The following IL1RAP variants were observed in gnomAD, a reference collection of about 807,000 sequenced individuals.
IL1RAP encodes the protein interleukin 1 receptor accessory protein.
In IL1RAP, 35 loss-of-function variants were observed where a neutral mutation model predicts 60.7. The ratio of observed to expected loss-of-function variants is 0.58; its 90% CI spans 0.44 to 0.76. IL1RAP has a LOEUF of 0.76. Ranked by LOEUF, IL1RAP falls within the 30% of genes least tolerant of loss-of-function variation. The probability of loss-of-function intolerance (pLI) is 0.00; values close to 1 mark genes in which losing one functional copy is unlikely to be tolerated. For synonymous variants in IL1RAP, 268 were observed against 250.9 expected (o/e 1.07, Z -0.64); for missense variants, 572 against 693.9 (o/e 0.82, Z 1.97).
At chr3:190,531,532 A>C (rs1225108314) in intron 1 of IL1RAP, among the ~76,000 whole-genome samples, 1 of 152,174 alleles carries the variant, frequency 6.6e-6, no homozygotes, top group Non-Finnish European at 1.5e-5. Flanking sequence ...GGCATTCCAT[A>C]AGTCTTCCCT....
chr3:190,644,880 A>G (rs759130363), intron 10 of IL1RAP, among the ~76,000 whole-genome samples: 2 of 152,226 alleles, frequency 1.3e-5, no homozygotes, highest in African/African-American at 4.8e-5. Context: ...TCGAGTGAGC[A>G]ATAGACTCGT....
At chr3:190,536,458 G>A (rs1723469532) in intron 1 of IL1RAP, among the ~76,000 whole-genome samples, 1 of 151,922 alleles carries the variant, frequency 6.6e-6, no homozygotes, top group African/African-American at 2.4e-5. Flanking sequence ...TCTCTTCTTT[G>A]GATGTTTTCA....
At chr3:190,619,558 G>C (rs1731579230) in intron 5 of IL1RAP, among the ~76,000 whole-genome samples, 1 of 151,800 alleles carries the variant, frequency 6.6e-6, no homozygotes, top group Non-Finnish European at 1.5e-5. Context: ...AACCCCATCT[G>C]TACCAAAATT....
downstream of IL1RAP, among the ~76,000 whole-genome samples, chr3:190,652,756 A>T (rs186221118): frequency 2.6e-5 from 4 of 152,238 alleles, no homozygotes; most frequent in Non-Finnish European, 4.4e-5. Context: ...GAGATTTTGT[A>T]TATGAGTTTT....
At chr3:190,540,799 C>A (rs1223511725) in intron 1 of IL1RAP, among the ~76,000 whole-genome samples, 1 of 152,044 alleles carries the variant, frequency 6.6e-6, no homozygotes. Flanking sequence ...AGCATTAAAT[C>A]AGAATGTGAT....
At chr3:190,595,579 G>A (rs1342212589) in intron 3 of IL1RAP, among the ~76,000 whole-genome samples, 6 of 152,024 alleles carry the variant, frequency 3.9e-5, no homozygotes, top group South Asian at 2.1e-4. Flanking sequence ...CAAAATTAAC[G>A]TCAAACCAGC....
chr3:190,527,749 C>G (rs1259014717), intron 1 of IL1RAP, among the ~76,000 whole-genome samples: 3 of 132,468 alleles, frequency 2.3e-5, no homozygotes, highest in African/African-American at 6.1e-5. Flanking sequence ...AACTTTTATC[C>G]TTCTACATTT....
At chr3:190,530,003 C>T (rs1256205612) in intron 1 of IL1RAP, among the ~76,000 whole-genome samples, 3 of 152,112 alleles carry the variant, frequency 2.0e-5, no homozygotes, top group Non-Finnish European at 4.4e-5. Flanking sequence ...ATAAAGTTCT[C>T]TATGGGCAGC....
chr3:190,563,443 G>C (rs1726088054), intron 2 of IL1RAP: 1 of 152,098 alleles, frequency 6.6e-6, no homozygotes, highest in Non-Finnish European at 1.5e-5. Context: ...TTTACCAGTG[G>C]CCAGATATTT....
intron 3 of IL1RAP, among the ~76,000 whole-genome samples, chr3:190,574,985 G>T (rs1727309332): frequency 7.1e-6 from 1 of 140,668 alleles, no homozygotes; most frequent in South Asian, 2.3e-4. Flanking sequence ...TCAGTCCTAG[G>T]GAAATGAGTT....
chr3:190,530,023 GA>G (rs944352578), intron 1 of IL1RAP, among the ~76,000 whole-genome samples: 2 of 152,058 alleles, frequency 1.3e-5, no homozygotes, highest in African/African-American at 4.8e-5. Context: ...CCCTAACTTG[GA>G]ACCATAAAGA....
chr3:190,518,789 A>C (rs545668372), intron 1 of IL1RAP: 17 of 152,244 alleles, frequency 1.1e-4, no homozygotes, highest in Non-Finnish European at 2.2e-4. Flanking sequence ...TATCACGAGA[A>C]TAGCATGGGA....
At position 190,629,458 on chromosome 3, in the gene IL1RAP, C is replaced by G; in HGVS notation, c.1011C>G (p.Ala337=). ...KRSYVCHARS[A]KGEVAKAAKV... is the part of the protein sequence containing the mutation. ...GCTATGTCTGTCATGCTAGAAGTGCCAAAGGCGAAGTTGCCAAAGCAGCCA... is the reference window on the plus strand; with the variant it reads ...GCTATGTCTGTCATGCTAGAAGTGCGAAAGGCGAAGTTGCCAAAGCAGCCA... Residue 337 remains alanine (A), a synonymous_variant, in exon 9 of 12, where the codon GCC becomes GCG. Transcript: ENST00000447382. The G allele has an allele frequency of 6.2e-7, 1 of 1,613,396 alleles. No homozygotes were observed. Among genetic ancestry groups the G allele is most frequent in the Non-Finnish European group, 8.5e-7 (1 of 1,179,692 alleles).
chr3:190,538,090 C>T (rs57950345), intron 1 of IL1RAP, among the ~76,000 whole-genome samples: 6,349 of 152,156 alleles, frequency 0.042, 354 homozygotes, highest in African/African-American at 0.12. Flanking sequence ...GTTCCTCTTC[C>T]TGTTTAGATG....
chr3:190,648,221 T>C, intron 11 of IL1RAP, 117 bp from the exon 12 acceptor site: 1 of 1,319,966 alleles, frequency 7.6e-7, no homozygotes, highest in South Asian at 1.5e-5. Context: ...GCTGGTAAAA[T>C]GTTTCACCTC....
intron 2 of IL1RAP, among the ~76,000 whole-genome samples, chr3:190,558,904 A>T (rs1364515165): frequency 6.6e-6 from 1 of 152,218 alleles, no homozygotes; most frequent in African/African-American, 2.4e-5. Flanking sequence ...GTTGCTTAAA[A>T]AGCACCCATT....
chr3:190,591,115 G>C (rs1271727572), intron 3 of IL1RAP, among the ~76,000 whole-genome samples: 1 of 152,152 alleles, frequency 6.6e-6, no homozygotes, highest in Non-Finnish European at 1.5e-5. Context: ...AACATTTGTT[G>C]AGCACAATTC....
chr3:190,637,818 T>A (rs1733342843), intron 9 of IL1RAP, among the ~76,000 whole-genome samples: 2 of 151,720 alleles, frequency 1.3e-5, no homozygotes, highest in African/African-American at 4.9e-5. Flanking sequence ...TGTTTTTATT[T>A]CCTTTTTTAG....
At chr3:190,518,902 C>G (rs1721766816) in intron 1 of IL1RAP, 1 of 152,206 alleles carries the variant, frequency 6.6e-6, no homozygotes, top group Non-Finnish European at 1.5e-5. Context: ...GACACAGAGC[C>G]AAACCATATC....
Sources: gnomAD v4.1 joint callset for allele counts (sites outside exome capture counted in the v4.1 genomes callset) on GRCh38, gnomAD v4.1.1 for gene constraint, MANE v1.5 for transcripts, NCBI Gene and HGNC (gene_info 2026-07-23, HGNC 2026-07-21) for gene names.